Variants in CAB39L observed in about 807,000 individuals in gnomAD.
CAB39L encodes the protein calcium binding protein 39 like.
CAB39L carries 23 observed loss-of-function variants against 39.1 expected under a neutral mutation model. The observed-to-expected ratio is 0.59, with a 90% CI of 0.42 to 0.83. The LOEUF is 0.83. CAB39L is among the 40% of genes least tolerant of loss of function. CAB39L has a pLI of 0.00. For synonymous variants in CAB39L, 126 were observed against 137.2 expected, an observed-to-expected ratio of 0.92 and a Z score of 0.57; for missense variants, 366 against 391.9, an observed-to-expected ratio of 0.93 and a Z score of 0.56.
At chr13:49,325,097 A>T (rs1018457119) in intron 10 of CAB39L, among the ~76,000 whole-genome samples, 3 of 152,274 alleles carry the variant, frequency 2.0e-5, no homozygotes, top group Non-Finnish European at 4.4e-5. Flanking sequence ...AAAGTTTGCC[A>T]GAAATACCCA....
intron 5 of CAB39L, 71 bp downstream of exon 5, chr13:49,376,896 T>TAGATAGATAGATAGAC: frequency 2.6e-6 from 3 of 1,160,424 alleles, no homozygotes; most frequent in South Asian, 1.8e-5. Context: ...GAATAGTAGA[T>TAGATAGATAGATAGAC]AGATAGATAG....
At chr13:49,312,494 T>G (rs1954024089) in intron 10 of CAB39L, among the ~76,000 whole-genome samples, 1 of 152,234 alleles carries the variant, frequency 6.6e-6, no homozygotes, top group Non-Finnish European at 1.5e-5. Context: ...TTCAGTATGG[T>G]AACATGCTGC....
At chr13:49,364,446 A>C (rs1160496590) in intron 5 of CAB39L, among the ~76,000 whole-genome samples, 1 of 152,236 alleles carries the variant, frequency 6.6e-6, no homozygotes, top group African/African-American at 2.4e-5. Flanking sequence ...AGCCAGAGCA[A>C]TCAAACAAGA....
chr13:49,369,471 T>C (rs7990940), intron 5 of CAB39L, among the ~76,000 whole-genome samples: 122,207 of 152,212 alleles, frequency 0.8, 49,586 homozygotes, highest in African/African-American at 0.92. Flanking sequence ...AGGCTACATA[T>C]ATATGATTCT....
chr13:49,317,797 C>T (rs7330892), intron 10 of CAB39L, among the ~76,000 whole-genome samples: 91,986 of 151,778 alleles, frequency 0.61, 29,067 homozygotes, highest in South Asian at 0.78. Context: ...TTTTGTATAT[C>T]AAAGGATACT....
At chr13:49,433,037 C>T (rs1001212167) in intron 3 of CAB39L, among the ~76,000 whole-genome samples, 1 of 152,072 alleles carries the variant, frequency 6.6e-6, no homozygotes, top group Non-Finnish European at 1.5e-5. Context: ...GTTTCTAGCC[C>T]CAGAAAGTTT....
At chr13:49,351,182 T>C (rs1235961822) in intron 6 of CAB39L, 5 of 281,712 alleles carry the variant, frequency 1.8e-5, no homozygotes, top group East Asian at 6.0e-5. Context: ...ATGTAAACAA[T>C]GAAAAGATAA....
chr13:49,344,817 G>A (rs1955102047), intron 7 of CAB39L, among the ~76,000 whole-genome samples: 1 of 152,188 alleles, frequency 6.6e-6, no homozygotes, highest in Non-Finnish European at 1.5e-5. Context: ...GGGCGCCTCG[G>A]ATACTGGAAG....
At chr13:49,410,544 A>G (rs1316393005) in intron 3 of CAB39L, among the ~76,000 whole-genome samples, 1 of 152,228 alleles carries the variant, frequency 6.6e-6, no homozygotes, top group Non-Finnish European at 1.5e-5. Flanking sequence ...AGCCAAGAAG[A>G]AAAACAGGAT....
At chr13:49,429,292 T>A (rs1348778626) in intron 3 of CAB39L, among the ~76,000 whole-genome samples, 1 of 152,146 alleles carries the variant, frequency 6.6e-6, no homozygotes, top group East Asian at 1.9e-4. Flanking sequence ...GAGGTCTTAT[T>A]ATGTTGCCCA....
At chr13:49,439,682 T>C (rs34976750) in intron 1 of CAB39L, among the ~76,000 whole-genome samples, 52,062 of 152,088 alleles carry the variant, frequency 0.34, 10,487 homozygotes, top group Middle Eastern at 0.46. Context: ...GTGGCTGAAC[T>C]AATTTACACT....
intron 9 of CAB39L, among the ~76,000 whole-genome samples, chr13:49,339,073 A>G (rs1954927912): frequency 6.6e-6 from 1 of 151,714 alleles, no homozygotes; most frequent in African/African-American, 2.4e-5. Context: ...GAATTTATCA[A>G]TTGCTGTGCT....
In CAB39L at chr13:49,374,804, A is replaced by G. The variant is rs1044860100; in HGVS notation, c.276+2163T>C. Among the ~76,000 whole-genome samples the G allele has an allele frequency of 2.6e-5, 4 of 152,210 alleles. No individual in the cohort carries two copies. In the South Asian group the frequency reaches 6.2e-4, roughly 24 times the overall value. ...TCATCCCTGACTCATTCTTCAAAACATAACCATCCTTAGTCATATTCCTTC... is the reference window on the plus strand; with the variant it reads ...TCATCCCTGACTCATTCTTCAAAACGTAACCATCCTTAGTCATATTCCTTC... On this transcript the variant is annotated intron_variant, in intron 5 of 10. Transcript: ENST00000409308.
At chr13:49,333,797 C>T (rs1954777660) in intron 9 of CAB39L, among the ~76,000 whole-genome samples, 1 of 151,934 alleles carries the variant, frequency 6.6e-6, no homozygotes. Context: ...TGGTCTCGAT[C>T]TCCTGACCTG....
rs1019925606 is a variant in CAB39L at position 49,310,624 on chromosome 13, C to G, written c.*190G>C. 1 of 497,880 alleles carries G rather than the reference C, an allele frequency of 2.0e-6. No homozygotes were observed. Among genetic ancestry groups the G allele is most frequent in the Non-Finnish European group, 3.5e-6 (1 of 283,304 alleles). 30.8% of individuals were successfully genotyped at this position (497,880 alleles called of 1,614,324 possible). A position where few individuals can be genotyped will look rare whatever the true frequency, so the allele number is the denominator to read the frequency against. ...TTCACATAAATAATCACAGACTTGA[C>G]TAAAATGAATATATTATTCTAGGTT... is the stretch of plus-strand genomic sequence containing the variant. On this transcript the variant is annotated 3_prime_UTR_variant, in exon 11 of 11. Coordinates refer to ENST00000409308, the MANE Select transcript of CAB39L (RefSeq NM_001079670.3).
intron 3 of CAB39L, among the ~76,000 whole-genome samples, chr13:49,417,357 G>T (rs1957102073): frequency 6.6e-6 from 1 of 152,102 alleles, no homozygotes; most frequent in Non-Finnish European, 1.5e-5. Context: ...CTTGCAGTCT[G>T]CCTATTTTAA....
intron 3 of CAB39L, among the ~76,000 whole-genome samples, chr13:49,404,140 A>G (rs1956827870): frequency 6.6e-6 from 1 of 152,210 alleles, no homozygotes. Context: ...GGTGGTCACA[A>G]GAGGGCTTGC....
intron 3 of CAB39L, among the ~76,000 whole-genome samples, chr13:49,409,445 T>A (rs576278869): frequency 8.3e-6 from 1 of 121,084 alleles, no homozygotes; most frequent in Non-Finnish European, 1.8e-5. Context: ...GGTTTTTGTT[T>A]GCTTTAAAAA....
chr13:49,428,422 A>G (rs1322463400), intron 3 of CAB39L, among the ~76,000 whole-genome samples: 1 of 152,236 alleles, frequency 6.6e-6, no homozygotes, highest in Non-Finnish European at 1.5e-5. Flanking sequence ...TTAATAATCT[A>G]ATCTTAAAAT....
Sources: gnomAD v4.1 joint callset for allele counts (sites outside exome capture counted in the v4.1 genomes callset) on GRCh38, gnomAD v4.1.1 for gene constraint, MANE v1.5 for transcripts, NCBI Gene and HGNC (gene_info 2026-07-23, HGNC 2026-07-21) for gene names.